Variants in CACNG3 observed in about 807,000 individuals in gnomAD.
CACNG3 encodes the protein calcium voltage-gated channel auxiliary subunit gamma 3.
CACNG3 carries 3 observed loss-of-function variants against 28.5 expected under a neutral mutation model. That is an observed-to-expected ratio of 0.11 (90% CI 0.05 to 0.27). CACNG3 has a LOEUF of 0.27. CACNG3 is among the 10% of genes least tolerant of loss of function. CACNG3 has a pLI of 1.00. For missense variants in CACNG3, 236 were observed against 414.4 expected (o/e 0.57, Z 3.74); for synonymous variants, 174 against 162.2 (o/e 1.07, Z -0.55).
intron 1 of CACNG3, among the ~76,000 whole-genome samples, chr16:24,329,001 G>A (rs893492800): frequency 6.6e-6 from 1 of 152,136 alleles, no homozygotes; most frequent in Non-Finnish European, 1.5e-5. Flanking sequence ...AAGATCCTAA[G>A]GGCTGAGTGG....
rs1596645633 is a variant in CACNG3, at chr16:24,330,680, C to A, written c.212-16054C>A. ...TGCAAGTGGACTCAATTTTTCCAGG[C>A]ACCTCTGAAAGAGAGATGTCACCAG... On this transcript the variant is annotated intron_variant, in intron 1 of 3. Coordinates refer to ENST00000005284, the MANE Select transcript of CACNG3 (RefSeq NM_006539.4). 2.0e-5 allele frequency among the ~76,000 whole-genome samples: 3 copies of A among 152,320 alleles called. No homozygotes were observed. The East Asian group carries it at 5.8e-4, about 29-fold the overall frequency.
At chr16:24,276,876 T>C (rs889803472) in intron 1 of CACNG3, among the ~76,000 whole-genome samples, 9 of 152,186 alleles carry the variant, frequency 5.9e-5, no homozygotes, top group Admixed American at 5.9e-4. Flanking sequence ...GCAAAAAAAC[T>C]GAGATTTTTG....
In CACNG3 at chr16:24,282,179, T is replaced by C. The variant is rs1204752604; in HGVS notation, c.211+25214T>C. Reference sequence around the variant, plus strand: ...GGGAAGCACGATCTCCATTTTCCCATGAGGAAATGGAGGTTCAGGTTGAGT... The same window carrying C: ...GGGAAGCACGATCTCCATTTTCCCACGAGGAAATGGAGGTTCAGGTTGAGT... On this transcript the variant is annotated intron_variant, in intron 1 of 3. Transcript: ENST00000005284. Among the ~76,000 whole-genome samples, 6 of 152,218 alleles carry C rather than the reference T, an allele frequency of 3.9e-5. No homozygotes were observed. In the South Asian group the frequency reaches 1.2e-3, roughly 32 times the overall value.
chr16:24,336,443 G>GT (rs1188433446), intron 1 of CACNG3, among the ~76,000 whole-genome samples: 1 of 151,522 alleles, frequency 6.6e-6, no homozygotes, highest in Non-Finnish European at 1.5e-5. Context: ...GGCTAATTTT[G>GT]TTTTTGTATT....
At chr16:24,270,159 T>C (rs923933712) in intron 1 of CACNG3, among the ~76,000 whole-genome samples, 3 of 152,162 alleles carry the variant, frequency 2.0e-5, no homozygotes, top group Non-Finnish European at 4.4e-5. Context: ...AATACTTACC[T>C]GTTAAATTAA....
chr16:24,341,285 A>G (rs1899783919), intron 1 of CACNG3, among the ~76,000 whole-genome samples: 1 of 152,266 alleles, frequency 6.6e-6, no homozygotes, highest in African/African-American at 2.4e-5. Flanking sequence ...TGATGCATGT[A>G]TGACATGGGT....
At chr16:24,327,422 A>ATGTGTGTGTGTGTGTGTG (rs376287990) in intron 1 of CACNG3, among the ~76,000 whole-genome samples, 6 of 101,762 alleles carry the variant, frequency 5.9e-5, no homozygotes, top group Admixed American at 2.2e-4. Context: ...GAATATATAT[A>ATGTGTGTGTGTGTGTGTG]TGTGTGTGTG....
intron 1 of CACNG3, among the ~76,000 whole-genome samples, chr16:24,305,318 ATATGTGTGTGTGTG>A (rs1899170808): frequency 8.4e-6 from 1 of 118,406 alleles, no homozygotes; most frequent in Non-Finnish European, 1.7e-5. Flanking sequence ...ATATACATAA[ATATGTGTGTGTGTG>A]TGTGTGTGTG....
intron 1 of CACNG3, among the ~76,000 whole-genome samples, chr16:24,344,839 G>A (rs1289448013): frequency 2.6e-5 from 4 of 152,154 alleles, no homozygotes; most frequent in African/African-American, 4.8e-5. Context: ...CATGATAGTA[G>A]CCATGGTAGC....
At chr16:24,344,362 T>A (rs141983900) in intron 1 of CACNG3, among the ~76,000 whole-genome samples, 1,551 of 151,058 alleles carry the variant, frequency 0.01, 30 homozygotes, top group African/African-American at 0.036. Context: ...CGAGTTGAGA[T>A]CGTGCCACTG....
At chr16:24,331,517 C>T (rs1899631031) in intron 1 of CACNG3, among the ~76,000 whole-genome samples, 1 of 152,208 alleles carries the variant, frequency 6.6e-6, no homozygotes, top group Non-Finnish European at 1.5e-5. Context: ...AATGATTCCT[C>T]TAAGATGCAC....
intron 1 of CACNG3, among the ~76,000 whole-genome samples, chr16:24,327,820 T>C (rs1408277152): frequency 6.6e-6 from 1 of 151,742 alleles, no homozygotes; most frequent in Non-Finnish European, 1.5e-5. Flanking sequence ...TGAGCAACTG[T>C]AGTCCCAGCT....
intron 1 of CACNG3, among the ~76,000 whole-genome samples, chr16:24,288,876 C>CAG (rs1898928923): frequency 6.6e-6 from 1 of 151,882 alleles, no homozygotes; most frequent in African/African-American, 2.4e-5. Flanking sequence ...CACATAAACA[C>CAG]ACACACACAC....
intron 2 of CACNG3, among the ~76,000 whole-genome samples, chr16:24,351,771 A>G (rs113787733): frequency 6.5e-5 from 6 of 92,492 alleles, no homozygotes; most frequent in Non-Finnish European, 9.7e-5. Flanking sequence ...GAGAGAGAGA[A>G]AGAAAGATTG....
chr16:24,346,699 T>A (rs201670064), intron 1 of CACNG3, 35 bp from the exon 2 acceptor site: 2 of 1,526,752 alleles, frequency 1.3e-6, no homozygotes, highest in East Asian at 4.5e-5. Context: ...CTCTGTCTCC[T>A]CCCCCAGGCT....
chr16:24,308,677 T>C lies in CACNG3; in HGVS notation c.212-38057T>C, dbSNP rs1899218476. On this transcript the variant is annotated intron_variant, in intron 1 of 3. Coordinates refer to ENST00000005284, the MANE Select transcript of CACNG3 (RefSeq NM_006539.4). ...CAAAACCAGCCTGGGCAACTCCATC[T>C]CTACAAAAGATTTAAAAATTAGCCA... is the stretch of plus-strand genomic sequence containing the variant. 1.3e-5 allele frequency among the ~76,000 whole-genome samples: 2 copies of C among 151,354 alleles called. 1 individual carries two copies. Among genetic ancestry groups the C allele is most frequent in the South Asian group, 4.2e-4 (2 of 4,804 alleles).
intron 1 of CACNG3, among the ~76,000 whole-genome samples, chr16:24,292,740 C>T (rs1444788643): frequency 6.6e-6 from 1 of 152,178 alleles, no homozygotes; most frequent in Non-Finnish European, 1.5e-5. Context: ...TTAAAAGCAA[C>T]GCAGCTATTT....
chr16:24,353,010 T>C (rs2089922163), intron 2 of CACNG3, among the ~76,000 whole-genome samples: 1 of 152,252 alleles, frequency 6.6e-6, no homozygotes, highest in African/African-American at 2.4e-5. Flanking sequence ...AGACTCGTTC[T>C]GTTGCCCAGG....
At chr16:24,305,318 ATATG>A (rs1277338435) in intron 1 of CACNG3, among the ~76,000 whole-genome samples, 8 of 118,406 alleles carry the variant, frequency 6.8e-5, no homozygotes, top group Non-Finnish European at 1.0e-4. Context: ...ATATACATAA[ATATG>A]TGTGTGTGTG....
Sources: gnomAD v4.1 joint callset for allele counts (sites outside exome capture counted in the v4.1 genomes callset) on GRCh38, gnomAD v4.1.1 for gene constraint, MANE v1.5 for transcripts, NCBI Gene and HGNC (gene_info 2026-07-23, HGNC 2026-07-21) for gene names.